Variants in GPC6 observed in about 807,000 individuals in gnomAD.
The protein encoded by GPC6 is glypican-6.
GPC6 carries 14 observed loss-of-function variants against 55.2 expected under a neutral mutation model. The observed-to-expected ratio is 0.25, with a 90% CI of 0.17 to 0.40. The LOEUF is 0.40. Among genes scored for constraint, GPC6 ranks in the 10% least tolerant of loss-of-function variants. The probability of loss-of-function intolerance (pLI) is 1.00; values close to 1 mark genes in which losing one functional copy is unlikely to be tolerated. For synonymous variants in GPC6, 278 were observed against 259.6 expected (o/e 1.07, Z -0.68); for missense variants, 641 against 708.5 (o/e 0.90, Z 1.08).
chr13:93,905,398 A>G (rs1435453669), intron 3 of GPC6, among the ~76,000 whole-genome samples: 1 of 152,170 alleles, frequency 6.6e-6, no homozygotes, highest in African/African-American at 2.4e-5. Flanking sequence ...AAAGGTAGCT[A>G]TTATTATATT....
intron 3 of GPC6, among the ~76,000 whole-genome samples, chr13:93,864,700 A>C (rs889629312): frequency 6.6e-6 from 1 of 151,722 alleles, no homozygotes; most frequent in African/African-American, 2.4e-5. Flanking sequence ...GTATCATTCT[A>C]GTTTTACAGA....
intron 1 of GPC6, among the ~76,000 whole-genome samples, chr13:93,357,840 T>A (rs1242318988): frequency 6.6e-6 from 1 of 151,988 alleles, no homozygotes; most frequent in Non-Finnish European, 1.5e-5. Context: ...AAAATGTAAA[T>A]AATTGTATAT....
intron 2 of GPC6, among the ~76,000 whole-genome samples, chr13:93,714,384 T>A (rs1262154501): frequency 6.6e-6 from 1 of 151,864 alleles, no homozygotes. Flanking sequence ...CACAATGAGA[T>A]ACCATCTCAC....
At chr13:94,022,382 C>G (rs1882730173) in intron 3 of GPC6, among the ~76,000 whole-genome samples, 1 of 151,866 alleles carries the variant, frequency 6.6e-6, no homozygotes, top group Non-Finnish European at 1.5e-5. Context: ...AGGATAATGT[C>G]CTATATGTCC....
chr13:94,192,753 A>C (rs1226226431), intron 4 of GPC6, among the ~76,000 whole-genome samples: 1 of 152,254 alleles, frequency 6.6e-6, no homozygotes, highest in Non-Finnish European at 1.5e-5. Flanking sequence ...TCAACAGCAC[A>C]GAGAACATTA....
At chr13:94,222,639 A>G (rs910189764) in intron 4 of GPC6, among the ~76,000 whole-genome samples, 3 of 152,164 alleles carry the variant, frequency 2.0e-5, no homozygotes, top group African/African-American at 7.2e-5. Flanking sequence ...TTCTAGATGT[A>G]TGTCTCACCT....
At chr13:94,238,049 A>G (rs1052240858) in intron 4 of GPC6, among the ~76,000 whole-genome samples, 7 of 152,160 alleles carry the variant, frequency 4.6e-5, no homozygotes, top group African/African-American at 1.7e-4. Flanking sequence ...TTTCCTGTGA[A>G]GGTTGAGGAG....
At chr13:93,757,108 A>C (rs555157434) in intron 2 of GPC6, among the ~76,000 whole-genome samples, 21 of 152,276 alleles carry the variant, frequency 1.4e-4, no homozygotes, top group African/African-American at 4.8e-4. Context: ...CAACCAAATA[A>C]TTCCCCACAT....
intron 1 of GPC6, among the ~76,000 whole-genome samples, chr13:93,448,438 A>G (rs1000152914): frequency 1.3e-5 from 2 of 152,206 alleles, no homozygotes; most frequent in African/African-American, 4.8e-5. Context: ...CTCATTTTTC[A>G]GAATATGTCC....
Position 94,241,752 on chromosome 13 carries a change from G to C in GPC6, c.878-44597G>C, listed in dbSNP as rs1463838797. Reference sequence around the variant, plus strand: ...AGGCAATGTGAAGAAAACCCTTTTAGATCCCTTCTCAGTGTAAGACAGATT... The same window carrying C: ...AGGCAATGTGAAGAAAACCCTTTTACATCCCTTCTCAGTGTAAGACAGATT... On this transcript the variant is annotated intron_variant, in intron 4 of 8. Coordinates refer to ENST00000377047, the MANE Select transcript of GPC6 (RefSeq NM_005708.5). 2.0e-5 allele frequency among the ~76,000 whole-genome samples: 3 copies of C among 151,994 alleles called. No individual in the cohort carries two copies. The East Asian group carries it at 5.8e-4, about 29-fold the overall frequency.
intron 1 of GPC6, among the ~76,000 whole-genome samples, chr13:93,230,533 C>T (rs1164292800): frequency 6.6e-6 from 1 of 152,040 alleles, no homozygotes; most frequent in Non-Finnish European, 1.5e-5. Context: ...ACTCTTGATC[C>T]CCTTTCAGCA....
chr13:93,701,615 C>A (rs1012290608), intron 2 of GPC6, among the ~76,000 whole-genome samples: 1 of 152,020 alleles, frequency 6.6e-6, no homozygotes, highest in African/African-American at 2.4e-5. Flanking sequence ...CTGTAGCATG[C>A]AATGTTATTC....
rs889703457 is a variant in GPC6 at position 93,955,303 on chromosome 13, T to C, written c.712-72426T>C. On this transcript the variant is annotated intron_variant, in intron 3 of 8. Transcript: ENST00000377047. ...CACACACACACCTGCCAAACACAAA[T>C]TTGTTAATTTTCAGTAATAATACAG... is the stretch of plus-strand genomic sequence containing the variant. Among the ~76,000 whole-genome samples the C allele has an allele frequency of 7.5e-5, 11 of 147,130 alleles. No individual in the cohort carries two copies. The East Asian group carries it at 2.3e-3, about 31-fold the overall frequency.
chr13:93,603,305 C>T (rs949641471), intron 2 of GPC6, among the ~76,000 whole-genome samples: 2 of 152,166 alleles, frequency 1.3e-5, no homozygotes, highest in East Asian at 3.9e-4. Context: ...CCACGCCCAG[C>T]CTCTGAGTCA....
intron 1 of GPC6, among the ~76,000 whole-genome samples, chr13:93,454,676 T>G (rs1371754691): frequency 6.6e-6 from 1 of 152,102 alleles, no homozygotes; most frequent in African/African-American, 2.4e-5. Context: ...GAGCTAGACA[T>G]AAAGGTTCTC....
intron 4 of GPC6, among the ~76,000 whole-genome samples, chr13:94,068,377 T>C (rs553690930): frequency 6.6e-6 from 1 of 152,244 alleles, no homozygotes; most frequent in East Asian, 1.9e-4. Flanking sequence ...ATGTGGAAAA[T>C]GTGGGAGTTA....
intron 2 of GPC6, among the ~76,000 whole-genome samples, chr13:93,790,757 A>G (rs755424209): frequency 6.6e-6 from 1 of 152,174 alleles, no homozygotes; most frequent in Non-Finnish European, 1.5e-5. Context: ...GCATATTCAC[A>G]TGTTATAATT....
At chr13:93,985,818 T>C (rs1013703282) in intron 3 of GPC6, among the ~76,000 whole-genome samples, 6 of 151,846 alleles carry the variant, frequency 4.0e-5, no homozygotes, top group Non-Finnish European at 8.8e-5. Context: ...TGCCAGGCTA[T>C]AGAAATATGG....
intron 4 of GPC6, among the ~76,000 whole-genome samples, chr13:94,074,354 G>A (rs1884837473): frequency 6.6e-6 from 1 of 152,162 alleles, no homozygotes; most frequent in Non-Finnish European, 1.5e-5. Context: ...CATAGACAAG[G>A]TTATGTTTTA....
Sources: gnomAD v4.1 joint callset for allele counts (sites outside exome capture counted in the v4.1 genomes callset) on GRCh38, gnomAD v4.1.1 for gene constraint, MANE v1.5 for transcripts, NCBI Gene and HGNC (gene_info 2026-07-23, HGNC 2026-07-21) for gene names.